The following CARS2 variants were observed in gnomAD, a reference collection of about 807,000 sequenced individuals.
CARS2 encodes the protein cysteinyl-tRNA synthetase 2, mitochondrial.
Under a neutral mutation model 68.8 loss-of-function variants are expected in CARS2, and 52 were observed. That is an observed-to-expected ratio of 0.76 (90% CI 0.61 to 0.95). CARS2 has a LOEUF of 0.95. Among genes scored for constraint, CARS2 ranks in the 40% least tolerant of loss-of-function variants. The probability of loss-of-function intolerance (pLI) is 0.00; values close to 1 mark genes in which losing one functional copy is unlikely to be tolerated. For missense variants in CARS2, 780 were observed against 754.2 expected, an observed-to-expected ratio of 1.03 and a Z score of -0.40; for synonymous variants, 314 against 303.6, an observed-to-expected ratio of 1.03 and a Z score of -0.36.
intron 6 of CARS2, among the ~76,000 whole-genome samples, chr13:110,679,597 A>AAGAAAGAAAGAAAGAAAGAAAGAAAT (rs1312030282): frequency 2.3e-5 from 1 of 43,618 alleles, no homozygotes; most frequent in African/African-American, 5.4e-5. Context: ...GAAAGAAAGA[A>AAGAAAGAAAGAAAGAAAGAAAGAAAT]AGAGAGAGAG....
At chr13:110,647,913 G>A (rs939607263) in intron 10 of CARS2, among the ~76,000 whole-genome samples, 43 of 152,198 alleles carry the variant, frequency 2.8e-4, no homozygotes, top group African/African-American at 9.2e-4. Flanking sequence ...GAACCTTCTC[G>A]TGCCTACTCT....
In CARS2 at chr13:110,661,202, C is replaced by A. The variant is rs72661672; in HGVS notation, c.987+2249G>T. 5.5e-3 allele frequency among the ~76,000 whole-genome samples: 842 copies of A among 152,278 alleles called. 5 individuals carry two copies. Among genetic ancestry groups the A allele is most frequent in the African/African-American group, 0.019 (776 of 41,556 alleles). On this transcript the variant is annotated intron_variant, in intron 9 of 14. Transcript: ENST00000257347. ...TCTGAAGCCAGCCATTGACTTCTTT[C>A]TAGCTACAAAAGTCCTAGACAGCAT...
chr13:110,694,609 C>G (rs2063567313), intron 3 of CARS2, among the ~76,000 whole-genome samples: 2 of 152,016 alleles, frequency 1.3e-5, no homozygotes, highest in Admixed American at 6.5e-5. Flanking sequence ...TGCACTCCAG[C>G]CTGGATGACA....
chr13:110,664,183 T>C (rs1287186562), intron 8 of CARS2: 37 of 985,266 alleles, frequency 3.8e-5, no homozygotes, highest in Non-Finnish European at 4.3e-5. Context: ...AACAGAAGAC[T>C]CTTCCTCTTT....
intron 1 of CARS2, chr13:110,713,029 G>A (rs1391131816): frequency 1.0e-5 from 15 of 1,494,374 alleles, no homozygotes; most frequent in East Asian, 7.4e-5. Context: ...CCGAGAGGGT[G>A]CCAGTGCGCA....
At chr13:110,704,634 G>T (rs2063887745) in intron 2 of CARS2, among the ~76,000 whole-genome samples, 1 of 152,130 alleles carries the variant, frequency 6.6e-6, no homozygotes, top group South Asian at 2.1e-4. Flanking sequence ...TGAGGCAGGA[G>T]AATTGCTGCC....
rs548626378 is a variant in CARS2, at chr13:110,666,144, G to A, written c.919+1196C>T. ...GGTCAAAAGTGGAGTGCAGGCCCCC[G>A]GCTGTGGAAATCAGTGCTCGGCTCC... On this transcript the variant is annotated intron_variant, in intron 8 of 14. Coordinates refer to ENST00000257347, the MANE Select transcript of CARS2 (RefSeq NM_024537.4). 1.1e-3 allele frequency: 1,065 copies of A among 985,304 alleles called. 1 individual carries two copies. Among genetic ancestry groups the A allele is most frequent in the Non-Finnish European group, 1.2e-3 (1,015 of 829,920 alleles). 61.0% of individuals were successfully genotyped at this position (985,304 alleles called of 1,614,324 possible).
chr13:110,711,933 T>C (rs745766094), intron 1 of CARS2, among the ~76,000 whole-genome samples: 21 of 152,250 alleles, frequency 1.4e-4, no homozygotes, highest in Non-Finnish European at 2.4e-4. Flanking sequence ...TTACACAGAA[T>C]ACGTTTTTAA....
intron 7 of CARS2, among the ~76,000 whole-genome samples, chr13:110,672,074 A>G (rs2062818002): frequency 6.6e-6 from 1 of 152,232 alleles, no homozygotes; most frequent in Non-Finnish European, 1.5e-5. Context: ...GCAAGTCCTT[A>G]GAGACCTACA....
At chr13:110,695,948 C>A (rs1018209313) in intron 3 of CARS2, among the ~76,000 whole-genome samples, 1 of 152,024 alleles carries the variant, frequency 6.6e-6, no homozygotes, top group African/African-American at 2.4e-5. Context: ...CCCTGACAGG[C>A]GCCGGGTGTG....
At chr13:110,654,408 C>T (rs548306670) in intron 9 of CARS2, among the ~76,000 whole-genome samples, 21 of 152,078 alleles carry the variant, frequency 1.4e-4, no homozygotes, top group East Asian at 1.4e-3. Flanking sequence ...AGAGGACTGG[C>T]GGGAAAGGGT....
chr13:110,664,252 A>G, intron 8 of CARS2: 1 of 959,544 alleles, frequency 1.0e-6, no homozygotes, highest in South Asian at 4.8e-5. Flanking sequence ...CACACCCGTA[A>G]TACCAGCCCT....
chr13:110,703,061 C>T (rs1476743404), intron 2 of CARS2, among the ~76,000 whole-genome samples: 1 of 152,136 alleles, frequency 6.6e-6, no homozygotes, highest in Non-Finnish European at 1.5e-5. Flanking sequence ...GCAACTGACG[C>T]CCCATCCCTT....
Position 110,683,018 on chromosome 13 carries a change from A to G in CARS2, c.655+33T>C, listed in dbSNP as rs766783561. The stretch of plus-strand genomic sequence containing the variant: ...AGAGCTGAGACCCGAGGCAGAGGTC[A>G]GGGACCCACAGGGCTGAGCCCGGCC... On this transcript the variant is annotated intron_variant, in intron 6 of 14. Transcript: ENST00000257347. 3.4e-5 allele frequency: 52 copies of G among 1,531,678 alleles called. No individual in the cohort carries two copies. In the South Asian group the frequency reaches 4.7e-4, roughly 14 times the overall value. The allele number at this position is 1,531,678 out of a possible 1,614,324, so 94.9% of individuals were successfully genotyped here. A position where few individuals can be genotyped will look rare whatever the true frequency, so the allele number is the denominator to read the frequency against.
chr13:110,649,662 A>C (rs941186467), intron 10 of CARS2, among the ~76,000 whole-genome samples: 1 of 152,192 alleles, frequency 6.6e-6, no homozygotes, highest in African/African-American at 2.4e-5. Context: ...AGGAGGGACA[A>C]GAAGGGGGAG....
chr13:110,646,969 C>A, intron 11 of CARS2, 132 bp downstream of exon 11: 1 of 1,116,836 alleles, frequency 9.0e-7, no homozygotes, highest in Non-Finnish European at 1.2e-6. Flanking sequence ...CCTCTCTGGG[C>A]AGTCCCTGAC....
intron 12 of CARS2, 185 bp from the exon 13 acceptor site, chr13:110,644,668 T>C (rs1236398585): frequency 8.9e-6 from 9 of 1,005,778 alleles, no homozygotes; most frequent in Non-Finnish European, 1.3e-5. Flanking sequence ...CAACTATAGG[T>C]GCATGAGGAA....
rs2062952414 is a variant in CARS2 at position 110,676,430 on chromosome 13, T to TG, written c.785+543dup. 6.6e-6 allele frequency among the ~76,000 whole-genome samples: 1 copy of TG among 151,760 alleles called. No homozygotes were observed. Among genetic ancestry groups the TG allele is most frequent in the Non-Finnish European group, 1.5e-5 (1 of 67,950 alleles). ...AGGAGAGCAGTGTCGTGTGACTGAGTGGGGGCGGCAGGCAGCTGCGGTCCC... is the reference window on the plus strand; with the variant it reads ...AGGAGAGCAGTGTCGTGTGACTGAGTGGGGGGCGGCAGGCAGCTGCGGTCCC... On this transcript the variant is annotated intron_variant, in intron 7 of 14. Coordinates refer to ENST00000257347, the MANE Select transcript of CARS2 (RefSeq NM_024537.4). This position sits in a 1 kb window ranked among gnomAD's most constrained non-coding sequence, Gnocchi z 4.0.
intron 6 of CARS2, among the ~76,000 whole-genome samples, chr13:110,680,905 C>A (rs755580300): frequency 6.6e-5 from 10 of 152,358 alleles, no homozygotes; most frequent in Admixed American, 2.0e-4. Flanking sequence ...TAGTTGCCCC[C>A]AGGGCAGGGC....
Sources: allele counts gnomAD v4.1 joint callset (sites outside exome capture counted in the v4.1 genomes callset), GRCh38; gene constraint gnomAD v4.1.1; non-coding constraint Gnocchi (gnomAD v3.1); transcripts MANE v1.5; gene names NCBI Gene and HGNC (gene_info 2026-07-23, HGNC 2026-07-21).